IZUMO3: variants seen among roughly 807,000 people sequenced by gnomAD.
IZUMO3 encodes IZUMO family member 3, also known as izumo sperm-egg fusion protein 3.
Under a neutral mutation model 28.4 loss-of-function variants are expected in IZUMO3, and 36 were observed. The observed-to-expected ratio is 1.27, with a 90% CI of 0.97 to 1.67. The LOEUF is 1.67. Ranked by LOEUF, IZUMO3 falls within the 40% of genes most tolerant of loss-of-function variation. IZUMO3 has a pLI of 0.00. For missense variants in IZUMO3, 387 were observed against 278.5 expected, an observed-to-expected ratio of 1.39 and a Z score of -2.77; for synonymous variants, 126 against 99.2, an observed-to-expected ratio of 1.27 and a Z score of -1.61.
rs148187091 is a variant in IZUMO3, at chr9:24,543,746, G to T, written c.499C>A (p.Pro167Thr). 1.3e-4 allele frequency: 203 copies of T among 1,546,490 alleles called. No individual in the cohort carries two copies. The highest frequency in any genetic ancestry group is 7.1e-4 in the East Asian group (29 of 40,862). The stretch of plus-strand genomic sequence containing the variant: ...ATCTCTCGATTCTCAGCCTTTCTTG[G>T]ATCCTCGTCTGGAAGGAGAAACAGG... ...FKGEYCGDED[P>T]RKAENREIAL... Residue 167 changes from proline (P) to threonine (T), a missense_variant, in exon 6 of 7, where the codon CCA becomes ACA. Physicochemically the swap from Pro to Thr is conservative, Grantham distance 38 (BLOSUM62 -1). Coordinates refer to ENST00000543880, the MANE Select transcript of IZUMO3 (RefSeq NM_001365008.2).
At position 24,543,644 on chromosome 9, in the gene IZUMO3, T is replaced by C; in HGVS notation, c.581+20A>G. 1 of 1,497,118 alleles carries C rather than the reference T, an allele frequency of 6.7e-7. No homozygotes were observed. The allele number at this position is 1,497,118 out of a possible 1,614,324, so 92.7% of individuals were successfully genotyped here. A position where few individuals can be genotyped will look rare whatever the true frequency, so the allele number is the denominator to read the frequency against. ...AAAGGAATATTTGACCCAGTGTTTA[T>C]TTGGAGAGAAGAAACTCACAGTAAC... On this transcript the variant is annotated intron_variant, in intron 6 of 6. Coordinates refer to ENST00000543880, the MANE Select transcript of IZUMO3 (RefSeq NM_001365008.2).
chr9:24,545,320 A>C, intron 1 of IZUMO3, 34 bp from the exon 2 acceptor site: 1 of 1,547,060 alleles, frequency 6.5e-7, no homozygotes, highest in Non-Finnish European at 8.7e-7. Flanking sequence ...ATGTAGGGGA[A>C]TAATTACATC....
In IZUMO3 at chr9:24,545,035, G is replaced by C; in HGVS notation, c.328C>G (p.Leu110Val). 1.3e-6 allele frequency: 2 copies of C among 1,550,706 alleles called. No homozygotes were observed. The highest frequency in any genetic ancestry group is 1.7e-6 in the Non-Finnish European group (2 of 1,146,832). ...KGVFIYQGKL[L>V]DVCQNLESKL... ...GATTCCAGGTTTTGGCAGACATCGA[G>C]AAGCTTGCCTTGATAGATAAAGACA... The change falls in exon 3 of 7, where the codon CTC (leucine) becomes GTC (valine). Residue 110 changes from leucine to valine, a missense_variant. Coordinates refer to ENST00000543880, the MANE Select transcript of IZUMO3 (RefSeq NM_001365008.2).
At position 24,545,002 on chromosome 9, in the gene IZUMO3, T is replaced by G; in HGVS notation, c.361A>C (p.Lys121Gln). 1 of 1,550,670 alleles carries G rather than the reference T, an allele frequency of 6.4e-7. No homozygotes were observed. The highest frequency in any genetic ancestry group is 8.7e-7 in the Non-Finnish European group (1 of 1,146,794). ...TCAGAGAAGTTCTTTAGTAATTCTT[T>G]CAGTTTGGATTCCAGGTTTTGGCAG... ...DVCQNLESKL[K>Q]ELLKNFSEIA... Residue 121 changes from lysine (K) to glutamine (Q), a missense_variant, in exon 3 of 7, where the codon AAA becomes CAA. Physicochemically the swap from Lys to Gln is moderately conservative, Grantham distance 53. Coordinates refer to ENST00000543880, the MANE Select transcript of IZUMO3 (RefSeq NM_001365008.2).
chr9:24,544,427 T>G (rs1819533237), intron 4 of IZUMO3, 146 bp from the exon 5 acceptor site: 3 of 690,128 alleles, frequency 4.3e-6, no homozygotes, highest in African/African-American at 1.8e-5. Context: ...CTCCTAGAAA[T>G]CAAGTTTCTT....
In IZUMO3 at chr9:24,545,038, G is replaced by T. The variant is rs1819556309; in HGVS notation, c.325C>A (p.Leu109Ile). The T allele has an allele frequency of 1.3e-6, 2 of 1,550,380 alleles. No homozygotes were observed. Among genetic ancestry groups the T allele is most frequent in the South Asian group, 2.4e-5 (2 of 84,042 alleles). The stretch of plus-strand genomic sequence containing the variant: ...TCCAGGTTTTGGCAGACATCGAGAA[G>T]CTTGCCTTGATAGATAAAGACACCT... Reference protein sequence around the residue: ...WKGVFIYQGKLLDVCQNLESK... With the variant: ...WKGVFIYQGKILDVCQNLESK... Residue 109 changes from leucine to isoleucine, a missense_variant, in exon 3 of 7, where the codon CTT (leucine) becomes ATT (isoleucine). By Grantham distance (5) the Leu-to-Ile change is conservative (BLOSUM62 2). Transcript: ENST00000543880.
rs1189315667 is a variant in IZUMO3 at position 24,545,417 on chromosome 9, C to T, written c.226+7G>A. The T allele has an allele frequency of 6.5e-7, 1 of 1,541,716 alleles. No homozygotes were observed. Among genetic ancestry groups the T allele is most frequent in the Non-Finnish European group, 8.7e-7 (1 of 1,146,836 alleles). Reference sequence around the variant, plus strand: ...CCTGGACTCTCAGGAACTCAAGCTTCCCTCACCCAACACCCGAAGCCTCTT... The same window carrying T: ...CCTGGACTCTCAGGAACTCAAGCTTTCCTCACCCAACACCCGAAGCCTCTT... On this transcript the variant is annotated splice_region_variant and intron_variant, in intron 1 of 6. Coordinates refer to ENST00000543880, the MANE Select transcript of IZUMO3 (RefSeq NM_001365008.2).
chr9:24,543,640 T>A, intron 6 of IZUMO3, 24 bp downstream of exon 6: 1 of 1,474,734 alleles, frequency 6.8e-7, no homozygotes, highest in Non-Finnish European at 9.3e-7. Context: ...TGACCCAGTG[T>A]TTATTTGGAG....
In IZUMO3 at chr9:24,545,748, G is replaced by A. The variant is rs1045618254; in HGVS notation, c.-99C>T. 222 of 1,534,080 alleles carry A rather than the reference G, an allele frequency of 1.4e-4. No homozygotes were observed. Among genetic ancestry groups the A allele is most frequent in the Non-Finnish European group, 1.8e-4 (207 of 1,141,668 alleles). On this transcript the variant is annotated 5_prime_UTR_variant, in exon 1 of 7. Coordinates refer to ENST00000543880, the MANE Select transcript of IZUMO3 (RefSeq NM_001365008.2). ...AATCCGGGAATGAGAGCCTGGTTCT[G>A]GATAGTCTGACTCCACTTTTCCCGC...
intron 2 of IZUMO3, 32 bp downstream of exon 2, chr9:24,545,180 T>G: frequency 6.5e-7 from 1 of 1,537,530 alleles, no homozygotes; most frequent in Non-Finnish European, 8.8e-7. Flanking sequence ...GCTTGAGCAA[T>G]ACAAACTTTT....
intron 4 of IZUMO3, 131 bp from the exon 5 acceptor site, chr9:24,544,412 T>C (rs1819532780): frequency 4.2e-6 from 3 of 708,160 alleles, no homozygotes; most frequent in Non-Finnish European, 7.3e-6. Context: ...TGTGAATTTC[T>C]TCTTCTCCTA....
intron 5 of IZUMO3, 103 bp from the exon 6 acceptor site, chr9:24,543,857 G>T (rs1376066225): frequency 1.3e-6 from 1 of 746,962 alleles, no homozygotes; most frequent in African/African-American, 1.7e-5. Context: ...AGTTTGCCCT[G>T]TTTACTACTT....
chr9:24,545,314 AG>A, intron 1 of IZUMO3, 28 bp from the exon 2 acceptor site: 1 of 1,548,092 alleles, frequency 6.5e-7, no homozygotes, highest in Non-Finnish European at 8.7e-7. Flanking sequence ...AGGTACATGT[AG>A]GGGAATAATT....
Position 24,543,126 on chromosome 9 carries a change from A to T in IZUMO3, c.*103T>A, listed in dbSNP as rs1171788952. The T allele has an allele frequency of 8.8e-6, 8 of 911,082 alleles. 1 individual carries two copies. The highest frequency in any genetic ancestry group is 1.7e-5 in the African/African-American group (1 of 58,014). 56.4% of individuals were successfully genotyped at this position (911,082 alleles called of 1,614,324 possible). On this transcript the variant is annotated 3_prime_UTR_variant, in exon 7 of 7. Coordinates refer to ENST00000543880, the MANE Select transcript of IZUMO3 (RefSeq NM_001365008.2). ...ACTCTAAGTTCTATTTCAGTTTTAA[A>T]ATACTATGACTTTATGACCAAGAAA... is the stretch of plus-strand genomic sequence containing the variant.
In IZUMO3 at chr9:24,545,529, G is replaced by C. The variant is rs1450442492; in HGVS notation, c.121C>G (p.Pro41Ala). The C allele has an allele frequency of 2.6e-6, 4 of 1,535,304 alleles. No individual in the cohort carries two copies. Among genetic ancestry groups the C allele is most frequent in the South Asian group, 1.2e-5 (1 of 84,050 alleles). ...TGAGTTCGGCCGGGGACTTCTGAAG[G>C]TATCAGATTTCCCAGCAAGGAGCCA... ...DVGSLLGNLI[P>A]SEVPGRTQLL... The change falls in exon 1 of 7, where the codon CCT becomes GCT. Residue 41 changes from proline (P) to alanine (A), a missense_variant. Transcript: ENST00000543880.
intron 6 of IZUMO3, 68 bp from the exon 7 acceptor site, chr9:24,543,435 A>ATTTTT (rs1563907522): frequency 1.3e-4 from 10 of 75,472 alleles, no homozygotes; most frequent in Admixed American, 6.1e-4. Context: ...CCAGTTATAC[A>ATTTTT]TTGTTTTTTT....
rs1819581535 is a variant in IZUMO3, at chr9:24,545,821, T to A, written c.-172A>T. On this transcript the variant is annotated 5_prime_UTR_variant, in exon 1 of 7. Coordinates refer to ENST00000543880, the MANE Select transcript of IZUMO3 (RefSeq NM_001365008.2). ...AATCTTTAGTTGTTTAGTTTAATGA[T>A]CTTTAGTTGTTTACTGACTATTATC... is the stretch of plus-strand genomic sequence containing the variant. 9 of 1,543,784 alleles carry A rather than the reference T, an allele frequency of 5.8e-6. No homozygotes were observed. The highest frequency in any genetic ancestry group is 1.8e-4 in the Middle Eastern group (1 of 5,604).
intron 4 of IZUMO3, 35 bp from the exon 5 acceptor site, chr9:24,544,316 G>A: frequency 6.9e-7 from 1 of 1,441,234 alleles, no homozygotes; most frequent in Non-Finnish European, 9.5e-7. Context: ...ATCAGAAAGA[G>A]GGCATGGCAC....
At position 24,545,251 on chromosome 9, in the gene IZUMO3, T is replaced by C. The variant is rs1353428108; in HGVS notation, c.262A>G (p.Lys88Glu). 1.9e-6 allele frequency: 3 copies of C among 1,550,386 alleles called. No homozygotes were observed. The highest frequency in any genetic ancestry group is 2.6e-6 in the Non-Finnish European group (3 of 1,146,860). ...QQVVKLRTWL[K>E]NEFYKLGNET... Reference sequence around the variant, plus strand: ...TTGCCCAGTTTATAAAATTCATTCTTCAACCATGTTCTCAACTTAACAACC... The same window carrying C: ...TTGCCCAGTTTATAAAATTCATTCTCCAACCATGTTCTCAACTTAACAACC... The change falls in exon 2 of 7, where the codon AAG (lysine) becomes GAG (glutamate). Residue 88 changes from lysine (K) to glutamate (E), a missense_variant. Lys to Glu is a moderately conservative substitution (Grantham distance 56). Coordinates refer to ENST00000543880, the MANE Select transcript of IZUMO3 (RefSeq NM_001365008.2).
Sources: gnomAD v4.1 joint callset for allele counts on GRCh38, gnomAD v4.1.1 for gene constraint, MANE v1.5 for transcripts, NCBI Gene and HGNC (gene_info 2026-07-23, HGNC 2026-07-21) for gene names.